SYNPR: variants seen among roughly 807,000 people sequenced by gnomAD.
SYNPR encodes synaptoporin.
Under a neutral mutation model 32.9 loss-of-function variants are expected in SYNPR, and 23 were observed. That is an observed-to-expected ratio of 0.70 (90% confidence interval 0.50 to 0.99). The LOEUF (loss-of-function observed/expected upper bound fraction) is 0.99, where lower values mean the gene tolerates loss of function less well. Ranked by LOEUF, SYNPR falls within the 50% of genes least tolerant of loss-of-function variation. The probability of loss-of-function intolerance (pLI) is 0.00; values close to 1 mark genes in which losing one functional copy is unlikely to be tolerated. For missense variants in SYNPR, 318 were observed against 349.3 expected (o/e 0.91, Z 0.71); for synonymous variants, 146 against 135.9 (o/e 1.07, Z -0.52).
chr3:63,287,359 ATTC>A (rs1308931176), intron 2 of SYNPR, among the ~76,000 whole-genome samples: 2 of 151,926 alleles, frequency 1.3e-5, no homozygotes, highest in South Asian at 2.1e-4. Context: ...TAGTTGATGA[ATTC>A]TTCTTCTCCC....
At chr3:63,459,543 T>G (rs981613641) in intron 2 of SYNPR, among the ~76,000 whole-genome samples, 1 of 152,168 alleles carries the variant, frequency 6.6e-6, no homozygotes, top group Non-Finnish European at 1.5e-5. Flanking sequence ...TCCTTGAGAA[T>G]AAACACATCA....
rs1553870463 is a variant in SYNPR, at chr3:63,340,419, A to ACTTTTT, written c.84+61677_84+61678insCTTTTT. Among the ~76,000 whole-genome samples the ACTTTTT allele has an allele frequency of 7.8e-5, 10 of 128,522 alleles. 1 individual carries two copies. Among genetic ancestry groups the ACTTTTT allele is most frequent in the East Asian group, 2.2e-4 (1 of 4,490 alleles). The allele number at this position is 128,522 out of a possible 152,430, so 84.3% of individuals were successfully genotyped here. On this transcript the variant is annotated intron_variant, in intron 2 of 5. Transcript: ENST00000478300. ...TTCTACCATTAATTAAAAAAAATGTATTTTTTTTTTTTTTTTTTGAGACGG... is the reference window on the plus strand; with the variant it reads ...TTCTACCATTAATTAAAAAAAATGTACTTTTTTTTTTTTTTTTTTTTTTTGAGACGG...
intron 3 of SYNPR, among the ~76,000 whole-genome samples, chr3:63,520,488 C>T (rs991809442): frequency 6.6e-6 from 1 of 152,096 alleles, no homozygotes; most frequent in East Asian, 1.9e-4. Flanking sequence ...GCCTGACCAA[C>T]GTGGTGAAAC....
chr3:63,295,761 G>C (rs1171457165), intron 2 of SYNPR, among the ~76,000 whole-genome samples: 4 of 152,224 alleles, frequency 2.6e-5, no homozygotes, highest in African/African-American at 9.6e-5. Flanking sequence ...CGAAACCACA[G>C]TTGCCTAGGC....
At chr3:63,234,992 G>A (rs528217314) in intron 1 of SYNPR, among the ~76,000 whole-genome samples, 2 of 152,124 alleles carry the variant, frequency 1.3e-5, no homozygotes, top group African/African-American at 2.4e-5. Flanking sequence ...AATGGAGGAC[G>A]TTTGCAAACT....
chr3:63,395,458 G>A lies in SYNPR; in HGVS notation c.85-85374G>A, dbSNP rs184242487. On this transcript the variant is annotated intron_variant, in intron 2 of 5. Coordinates refer to ENST00000478300, the MANE Select transcript of SYNPR (RefSeq NM_001130003.2). Reference sequence around the variant, plus strand: ...TCTGTTTATTCAGTAATTGCTGTGTGCCAGGCACTGTGCTAAGCACTTTAT... The same window carrying A: ...TCTGTTTATTCAGTAATTGCTGTGTACCAGGCACTGTGCTAAGCACTTTAT... Among the ~76,000 whole-genome samples, 194 of 152,244 alleles carry A rather than the reference G, an allele frequency of 1.3e-3. 1 individual carries two copies. Among genetic ancestry groups the A allele is most frequent in the African/African-American group, 4.4e-3 (184 of 41,542 alleles).
chr3:63,322,143 C>T (rs1259419667), intron 2 of SYNPR, among the ~76,000 whole-genome samples: 1 of 152,010 alleles, frequency 6.6e-6, no homozygotes, highest in Non-Finnish European at 1.5e-5. Context: ...TGACACCCAA[C>T]ACTGATGGAG....
chr3:63,468,979 C>T (rs1700742742), intron 2 of SYNPR, among the ~76,000 whole-genome samples: 1 of 151,930 alleles, frequency 6.6e-6, no homozygotes, highest in East Asian at 1.9e-4. Context: ...TAATTGAATA[C>T]AGCCAATTGA....
chr3:63,568,877 G>T (rs551985596), intron 4 of SYNPR, among the ~76,000 whole-genome samples: 2 of 152,056 alleles, frequency 1.3e-5, no homozygotes, highest in South Asian at 2.1e-4. Context: ...TCTGATACTC[G>T]CCAAATAATC....
chr3:63,563,191 G>A (rs985828441), intron 4 of SYNPR, among the ~76,000 whole-genome samples: 3 of 152,116 alleles, frequency 2.0e-5, no homozygotes, highest in Non-Finnish European at 4.4e-5. Flanking sequence ...AGTCGCCAAG[G>A]ATAGAGCTTA....
chr3:63,303,196 T>A (rs1032992772), intron 2 of SYNPR, among the ~76,000 whole-genome samples: 1 of 150,178 alleles, frequency 6.7e-6, no homozygotes. Context: ...AAAAAAAAAA[T>A]GAGAATAAAA....
At chr3:63,539,956 G>C (rs892193898) in intron 3 of SYNPR, among the ~76,000 whole-genome samples, 5 of 152,220 alleles carry the variant, frequency 3.3e-5, no homozygotes, top group Admixed American at 6.5e-5. Context: ...TTCCAGCTGT[G>C]CCTGCTTGCA....
chr3:63,332,979 C>A (rs143803822), intron 2 of SYNPR, among the ~76,000 whole-genome samples: 3 of 152,164 alleles, frequency 2.0e-5, no homozygotes, highest in South Asian at 2.1e-4. Flanking sequence ...ATCTCCGCCA[C>A]CAGTTGGACA....
Position 63,615,624 on chromosome 3 carries a change from A to C in SYNPR, c.*143A>C. ...GCTCTCTAGTCTTCATTAAGGCAGC[A>C]AGTCCTGGGTTGTGAAAAATGATAC... On this transcript the variant is annotated 3_prime_UTR_variant, in exon 6 of 6. Transcript: ENST00000478300. 3.5e-6 allele frequency: 4 copies of C among 1,151,000 alleles called. No homozygotes were observed. Among genetic ancestry groups the C allele is most frequent in the Non-Finnish European group, 4.8e-6 (4 of 832,942 alleles). 71.3% of individuals were successfully genotyped at this position (1,151,000 alleles called of 1,614,324 possible). A position where few individuals can be genotyped will look rare whatever the true frequency, so the allele number is the denominator to read the frequency against.
the SYNPR span, among the ~76,000 whole-genome samples, chr3:63,208,600 G>C: frequency 6.6e-6 from 1 of 152,322 alleles, no homozygotes. Context: ...GATTCTTCTA[G>C]ATAGGACTAG....
intron 2 of SYNPR, among the ~76,000 whole-genome samples, chr3:63,452,283 A>C (rs1700393208): frequency 6.6e-6 from 1 of 152,160 alleles, no homozygotes; most frequent in African/African-American, 2.4e-5. Flanking sequence ...AGTCGGGGGG[A>C]CAGGCAATTT....
At chr3:63,284,127 G>T (rs2086658634) in intron 2 of SYNPR, among the ~76,000 whole-genome samples, 1 of 152,064 alleles carries the variant, frequency 6.6e-6, no homozygotes, top group Non-Finnish European at 1.5e-5. Context: ...TTCTTATTTT[G>T]CTACTTTAGT....
In SYNPR at chr3:63,598,019, G is replaced by A. The variant is rs558819480; in HGVS notation, c.409-11106G>A. On this transcript the variant is annotated intron_variant, in intron 4 of 5. Transcript: ENST00000478300. Reference sequence around the variant, plus strand: ...ATTAGCAAAGTGATCCATTTACAGTGTGGATGAGAGTGACTCTCTGAACTG... The same window carrying A: ...ATTAGCAAAGTGATCCATTTACAGTATGGATGAGAGTGACTCTCTGAACTG... Among the ~76,000 whole-genome samples, 13 of 152,322 alleles carry A rather than the reference G, an allele frequency of 8.5e-5. No individual in the cohort carries two copies. In the South Asian group the frequency reaches 2.5e-3, roughly 29 times the overall value.
intron 2 of SYNPR, among the ~76,000 whole-genome samples, chr3:63,403,034 A>G (rs1318777749): frequency 6.6e-6 from 1 of 152,212 alleles, no homozygotes; most frequent in Admixed American, 6.5e-5. Context: ...TACAGTAAAC[A>G]TTAACAGAGA....
Sources: allele counts gnomAD v4.1 joint callset (sites outside exome capture counted in the v4.1 genomes callset), GRCh38; gene constraint gnomAD v4.1.1; transcripts MANE v1.5; gene names NCBI Gene and HGNC (gene_info 2026-07-23, HGNC 2026-07-21).